TRPM3: variants seen among roughly 807,000 people sequenced by gnomAD.
TRPM3 encodes the protein transient receptor potential cation channel subfamily M member 3, also known as long transient receptor potential channel 3.
In TRPM3, 77 loss-of-function variants were observed where a neutral mutation model predicts 181.2. That is an observed-to-expected ratio of 0.42 (90% CI 0.35 to 0.51). The LOEUF is 0.51. Among genes scored for constraint, TRPM3 ranks in the 20% least tolerant of loss-of-function variants. The pLI is 0.01. For synonymous variants in TRPM3, 745 were observed against 796.4 expected, an observed-to-expected ratio of 0.94 and a Z score of 1.09; for missense variants, 1,759 against 2,196.7, an observed-to-expected ratio of 0.80 and a Z score of 3.98.
intron 1 of TRPM3, among the ~76,000 whole-genome samples, chr9:70,939,730 T>A (rs1393683727): frequency 6.6e-6 from 1 of 152,232 alleles, no homozygotes. Context: ...ATAGGGTTGC[T>A]ACAGCTTTTT....
Position 70,537,302 on chromosome 9 carries a change from G to A in TRPM3, c.3811C>T (p.Leu1271Phe). The change falls in exon 26 of 26, where the codon CTT becomes TTT. Residue 1271 changes from leucine to phenylalanine, a missense_variant. Coordinates refer to ENST00000677713, the MANE Select transcript of TRPM3 (RefSeq NM_001366145.2). The part of the protein sequence containing the change: ...VDIRLAQLED[L>F]IGRMATALER... ...AGGGCCGTGGCCATGCGCCCGATAA[G>A]GTCTTCCAGCTGCGCCAGCCGGATG... 6.5e-7 allele frequency: 1 copy of A among 1,542,584 alleles called. No homozygotes were observed. The highest frequency in any genetic ancestry group is 8.8e-7 in the Non-Finnish European group (1 of 1,142,292).
chr9:71,035,523 C>T (rs2058073665), intron 1 of TRPM3, among the ~76,000 whole-genome samples: 1 of 152,134 alleles, frequency 6.6e-6, no homozygotes. Context: ...TTGAGACCTA[C>T]CTGGCCAACA....
intron 1 of TRPM3, among the ~76,000 whole-genome samples, chr9:71,280,283 T>C (rs2084601404): frequency 6.6e-6 from 1 of 152,194 alleles, no homozygotes; most frequent in African/African-American, 2.4e-5. Flanking sequence ...TTACTGCCTA[T>C]TTTTGTAGGC....
intron 1 of TRPM3, among the ~76,000 whole-genome samples, chr9:71,385,884 G>A (rs886773388): frequency 2.0e-5 from 3 of 151,474 alleles, no homozygotes; most frequent in Non-Finnish European, 2.9e-5. Flanking sequence ...TTTTTTGGTG[G>A]GGGGTAGAGG....
At chr9:71,446,838 G>A (rs1461270640), upstream of TRPM3, 1 of 1,537,902 alleles carries the variant, frequency 6.5e-7, no homozygotes, top group Non-Finnish European at 8.8e-7. Context: ...TTCCCCATGA[G>A]AAGTTCGCCT....
chr9:70,687,391 G>A (rs1020520405), intron 8 of TRPM3, among the ~76,000 whole-genome samples: 2 of 152,240 alleles, frequency 1.3e-5, no homozygotes, highest in South Asian at 2.1e-4. Flanking sequence ...AGGTGATTTA[G>A]TAAAGTCTGA....
intron 1 of TRPM3, among the ~76,000 whole-genome samples, chr9:70,867,508 A>T (rs2095674774): frequency 6.6e-6 from 1 of 152,084 alleles, no homozygotes; most frequent in South Asian, 2.1e-4. Context: ...ACGCTACATC[A>T]TTGTTAGCAA....
At chr9:71,041,397 A>G (rs1265069561) in intron 1 of TRPM3, among the ~76,000 whole-genome samples, 1 of 152,206 alleles carries the variant, frequency 6.6e-6, no homozygotes, top group Admixed American at 6.5e-5. Flanking sequence ...AAACCATAAT[A>G]ACCCTCTCTG....
rs555082164 is a variant in TRPM3, at chr9:71,332,921, T to C, written c.183+113732A>G. On this transcript the variant is annotated intron_variant, in intron 1 of 24. Transcript: ENST00000357533. ...CAGTTTTAAATCATTGAAATATCCA[T>C]GTCAATAAAGTTCAAATCAATATTA... is the stretch of plus-strand genomic sequence containing the variant. Among the ~76,000 whole-genome samples, 43 of 152,028 alleles carry C rather than the reference T, an allele frequency of 2.8e-4. 1 individual carries two copies. The highest frequency in any genetic ancestry group is 9.9e-4 in the African/African-American group (41 of 41,470).
chr9:70,934,493 A>G (rs1035899176), intron 1 of TRPM3, among the ~76,000 whole-genome samples: 1 of 152,180 alleles, frequency 6.6e-6, no homozygotes. Context: ...AGTTATAGGG[A>G]AAAAACATAA....
intron 1 of TRPM3, among the ~76,000 whole-genome samples, chr9:71,263,203 T>A (rs959738007): frequency 6.6e-6 from 1 of 152,230 alleles, no homozygotes. Flanking sequence ...ATAATTTTCA[T>A]ACCTTCATCT....
At chr9:70,955,224 T>C (rs964632306) in intron 1 of TRPM3, among the ~76,000 whole-genome samples, 1 of 152,178 alleles carries the variant, frequency 6.6e-6, no homozygotes, top group Non-Finnish European at 1.5e-5. Context: ...CCTGTGATAC[T>C]CCTCTGCCAA....
chr9:71,187,893 A>T (rs2077771350), intron 1 of TRPM3, among the ~76,000 whole-genome samples: 2 of 11,624 alleles, frequency 1.7e-4, no homozygotes, highest in South Asian at 4.0e-3. Context: ...GACAGATGAT[A>T]GATAGATAGA....
chr9:71,408,644 G>A (rs2093483051), intron 1 of TRPM3, among the ~76,000 whole-genome samples: 1 of 152,262 alleles, frequency 6.6e-6, no homozygotes, highest in East Asian at 1.9e-4. Flanking sequence ...TACCTGAAAG[G>A]GACGGGGAGA....
intron 25 of TRPM3, among the ~76,000 whole-genome samples, chr9:70,547,778 C>T (rs1466456404): frequency 6.6e-6 from 1 of 152,056 alleles, no homozygotes; most frequent in Non-Finnish European, 1.5e-5. Flanking sequence ...CTCACCTTGG[C>T]CATCCTCTTT....
At chr9:71,333,218 C>A (rs1482053647) in intron 1 of TRPM3, among the ~76,000 whole-genome samples, 2 of 151,916 alleles carry the variant, frequency 1.3e-5, no homozygotes, top group Non-Finnish European at 2.9e-5. Flanking sequence ...GGCTCTGAAC[C>A]AGAGAGTTCA....
chr9:71,361,993 C>T (rs114349300), intron 1 of TRPM3, among the ~76,000 whole-genome samples: 1 of 152,118 alleles, frequency 6.6e-6, no homozygotes, highest in Non-Finnish European at 1.5e-5. Context: ...CTTCATTCTG[C>T]AAGCCAGAGA....
Position 71,202,903 on chromosome 9 carries a change from A to G in TRPM3, c.183+243750T>C, listed in dbSNP as rs376342148. ...TAGTGTCTGCTCTCTCATGGGTATTAGAAAAATGTCCTTTAAACAGCAACA... is the reference window on the plus strand; with the variant it reads ...TAGTGTCTGCTCTCTCATGGGTATTGGAAAAATGTCCTTTAAACAGCAACA... On this transcript the variant is annotated intron_variant, in intron 1 of 24. Transcript: ENST00000357533. Among the ~76,000 whole-genome samples, 8 of 152,352 alleles carry G rather than the reference A, an allele frequency of 5.3e-5. No individual in the cohort carries two copies. The East Asian group carries it at 1.5e-3, about 29-fold the overall frequency.
At chr9:70,546,965 T>C (rs952045) in intron 25 of TRPM3, among the ~76,000 whole-genome samples, 15,210 of 152,150 alleles carry the variant, frequency 0.1, 1,202 homozygotes, top group African/African-American at 0.22. Context: ...AAAAGTGTGA[T>C]TGAATAATGA....
Sources: gnomAD v4.1 joint callset for allele counts (sites outside exome capture counted in the v4.1 genomes callset) on GRCh38, gnomAD v4.1.1 for gene constraint, MANE v1.5 for transcripts, NCBI Gene and HGNC (gene_info 2026-07-23, HGNC 2026-07-21) for gene names.